EFTUD2: variants seen among roughly 807,000 people sequenced by gnomAD.
EFTUD2 encodes the protein elongation factor Tu GTP binding domain containing 2, also known as 116 kDa U5 small nuclear ribonucleoprotein component.
In EFTUD2, 9 loss-of-function variants were observed where a neutral mutation model predicts 114.3. That is an observed-to-expected ratio of 0.08 (90% CI 0.05 to 0.14). The LOEUF is 0.14. Among genes scored for constraint, EFTUD2 ranks in the 10% least tolerant of loss-of-function variants. The probability of loss-of-function intolerance (pLI) is 1.00; values close to 1 mark genes in which losing one functional copy is unlikely to be tolerated. For missense variants in EFTUD2, 765 were observed against 1,241.2 expected (o/e 0.62, Z 5.76); for synonymous variants, 449 against 462.3 (o/e 0.97, Z 0.37).
At chr17:44,873,381 G>C (rs952873141) in intron 10 of EFTUD2, among the ~76,000 whole-genome samples, 12 of 152,054 alleles carry the variant, frequency 7.9e-5, no homozygotes, top group African/African-American at 2.9e-4. Context: ...TTTGAGACAG[G>C]GTCTTGCCTT....
chr17:44,859,840 G>C, intron 18 of EFTUD2, 65 bp downstream of exon 18: 1 of 1,608,738 alleles, frequency 6.2e-7, no homozygotes, highest in Non-Finnish European at 8.5e-7. Flanking sequence ...GGGAAGCGGT[G>C]TGCAGCTCTG....
intron 4 of EFTUD2, 63 bp from the exon 5 acceptor site, chr17:44,883,787 T>A: frequency 6.5e-7 from 1 of 1,539,878 alleles, no homozygotes. Flanking sequence ...AGGAGTGGTG[T>A]AAAGGTGTTT....
At position 44,851,794 on chromosome 17, in the gene EFTUD2, G is replaced by C. The variant is rs2050457057; in HGVS notation, c.2739C>G (p.Asp913Glu). ...HWQIVPGDPLDKSIVIRPLEP... is the reference protein window; with the variant it reads ...HWQIVPGDPLEKSIVIRPLEP... The stretch of plus-strand genomic sequence containing the variant: ...CCAAGGGGCGGATGACAATGCTCTT[G>C]TCCAGGGGATCACCAGGCACAATCT... The change falls in exon 27 of 28, where the codon GAC (aspartate) becomes GAG (glutamate). Residue 913 changes from aspartate to glutamate, a missense_variant. Physicochemically the swap from Asp to Glu is conservative, Grantham distance 45. This residue lies in a region of EFTUD2 where 166 missense variants were observed against 401.5 expected (regional missense o/e 0.41). Coordinates refer to ENST00000426333, the MANE Select transcript of EFTUD2 (RefSeq NM_004247.4). The C allele has an allele frequency of 6.2e-7, 1 of 1,609,832 alleles. No homozygotes were observed. Among genetic ancestry groups the C allele is most frequent in the South Asian group, 1.1e-5 (1 of 89,932 alleles).
At chr17:44,867,531 C>G (rs1484801396) in intron 13 of EFTUD2, among the ~76,000 whole-genome samples, 1 of 152,022 alleles carries the variant, frequency 6.6e-6, no homozygotes, top group Non-Finnish European at 1.5e-5. Context: ...AGCTCCTGAG[C>G]TCAGGCAATC....
At chr17:44,894,578 AT>A (rs2051343148) in intron 1 of EFTUD2, 53 bp from the exon 2 acceptor site, 13 of 1,363,326 alleles carry the variant, frequency 9.5e-6, no homozygotes, top group Middle Eastern at 3.6e-4. Flanking sequence ...CAAGGCCTTC[AT>A]GTGGTGGCTC....
At chr17:44,890,576 C>T (rs980466638) in intron 2 of EFTUD2, among the ~76,000 whole-genome samples, 2 of 151,854 alleles carry the variant, frequency 1.3e-5, no homozygotes, top group Non-Finnish European at 2.9e-5. Context: ...CCTGTAATCC[C>T]AGCTACTCGG....
chr17:44,851,811 G>A lies in EFTUD2; in HGVS notation c.2722C>T (p.Pro908Ser). The A allele has an allele frequency of 6.2e-7, 1 of 1,608,654 alleles. No individual in the cohort carries two copies. Among genetic ancestry groups the A allele is most frequent in the South Asian group, 1.1e-5 (1 of 89,702 alleles). The change falls in exon 27 of 28, where the codon CCT (proline) becomes TCT (serine). Residue 908 changes from proline (P) to serine (S), a missense_variant. Pro to Ser is a moderately conservative substitution (Grantham distance 74). Around this residue, in one of 6 missense-constraint regions of EFTUD2, gnomAD observed 166 missense variants for 401.5 expected, o/e 0.41. Coordinates refer to ENST00000426333, the MANE Select transcript of EFTUD2 (RefSeq NM_004247.4). ...LSVFHHWQIVPGDPLDKSIVI... is the reference protein window; with the variant it reads ...LSVFHHWQIVSGDPLDKSIVI... Reference sequence around the variant, plus strand: ...ATGCTCTTGTCCAGGGGATCACCAGGCACAATCTAAAAGGCAAAGGAATTT... The same window carrying A: ...ATGCTCTTGTCCAGGGGATCACCAGACACAATCTAAAAGGCAAAGGAATTT...
intron 20 of EFTUD2, 134 bp from the exon 21 acceptor site, chr17:44,855,138 C>T (rs1415237660): frequency 1.3e-6 from 1 of 768,064 alleles, no homozygotes; most frequent in Non-Finnish European, 2.3e-6. Flanking sequence ...CGTGGTGGTT[C>T]AGACCTGTAA....
chr17:44,856,516 C>T (rs924499726), intron 20 of EFTUD2, among the ~76,000 whole-genome samples: 4 of 146,140 alleles, frequency 2.7e-5, no homozygotes, highest in African/African-American at 5.1e-5. Context: ...GGCGACAGAG[C>T]GAGACTGTCT....
At chr17:44,881,641 G>A (rs767742522) in intron 7 of EFTUD2, 46 bp downstream of exon 7, 2 of 1,605,276 alleles carry the variant, frequency 1.2e-6, no homozygotes, top group East Asian at 2.2e-5. Flanking sequence ...ACTATTACTG[G>A]TGGGTCTGGT....
intron 2 of EFTUD2, 35 bp from the exon 3 acceptor site, chr17:44,886,785 C>T (rs376164212): frequency 8.0e-5 from 127 of 1,589,444 alleles, no homozygotes; most frequent in Non-Finnish European, 1.1e-4. Context: ...ATCGAAGAGG[C>T]ACACGCTTTT....
In EFTUD2 at chr17:44,850,472, GA is replaced by G. The variant is rs2050427658; in HGVS notation, c.*801del. Reference sequence around the variant, plus strand: ...ACATTCCTAATAAAGCAGTTTTGAGGAAAATCAACAGACTCTTTTTCACTGG... The same window carrying G: ...ACATTCCTAATAAAGCAGTTTTGAGGAAATCAACAGACTCTTTTTCACTGG... On this transcript the variant is annotated 3_prime_UTR_variant, in exon 28 of 28. Transcript: ENST00000426333. The G allele has an allele frequency of 1.8e-6, 2 of 1,103,338 alleles. No individual in the cohort carries two copies. The highest frequency in any genetic ancestry group is 2.7e-6 in the Non-Finnish European group (2 of 732,852). 68.3% of individuals were successfully genotyped at this position (1,103,338 alleles called of 1,614,324 possible).
At chr17:44,878,997 G>A (rs2051021788) in intron 9 of EFTUD2, among the ~76,000 whole-genome samples, 1 of 152,046 alleles carries the variant, frequency 6.6e-6, no homozygotes, top group African/African-American at 2.4e-5. Context: ...ATTTACATTT[G>A]TCATTTTATC....
At chr17:44,882,083 C>T (rs948414623) in intron 6 of EFTUD2, among the ~76,000 whole-genome samples, 2 of 152,036 alleles carry the variant, frequency 1.3e-5, no homozygotes, top group African/African-American at 2.4e-5. Context: ...TGCAGACGTG[C>T]GCCACCATGC....
At chr17:44,859,207 C>T (rs1224441393) in intron 18 of EFTUD2, 26 bp from the exon 19 acceptor site, 3 of 1,534,580 alleles carry the variant, frequency 2.0e-6, no homozygotes, top group Non-Finnish European at 9.0e-7. Flanking sequence ...CAGTCACAGC[C>T]TGGATTCTCT....
At position 44,857,057 on chromosome 17, in the gene EFTUD2, A is replaced by G. The variant is rs1651428547; in HGVS notation, c.2045+18T>C. On this transcript the variant is annotated intron_variant, in intron 20 of 27. Transcript: ENST00000426333. ...TCCAGGAGGCTGCAGTCCCAGGGAC[A>G]CTGTGCTCCCAGCTTACTTCTTATT... is the stretch of plus-strand genomic sequence containing the variant. 1 of 1,609,566 alleles carries G rather than the reference A, an allele frequency of 6.2e-7. No homozygotes were observed. The highest frequency in any genetic ancestry group is 1.3e-5 in the African/African-American group (1 of 74,862).
intron 11 of EFTUD2, among the ~76,000 whole-genome samples, chr17:44,872,114 T>C (rs1193916497): frequency 6.6e-6 from 1 of 152,194 alleles, no homozygotes; most frequent in Non-Finnish European, 1.5e-5. Flanking sequence ...GTGAGGGAGA[T>C]GCCACCTGTG....
intron 26 of EFTUD2, 108 bp downstream of exon 26, chr17:44,852,301 C>A (rs2050470001): frequency 1.4e-6 from 2 of 1,409,976 alleles, no homozygotes; most frequent in South Asian, 2.8e-5. Flanking sequence ...GGACTCTTCT[C>A]CAGGATGCTG....
chr17:44,853,883 T>G (rs2050500219), intron 23 of EFTUD2: 11 of 1,386,526 alleles, frequency 7.9e-6, no homozygotes, highest in Non-Finnish European at 1.0e-5. Context: ...AGAAGTTTAT[T>G]TCCTTCTTCT....
Sources: allele counts gnomAD v4.1 joint callset (sites outside exome capture counted in the v4.1 genomes callset), GRCh38; gene constraint gnomAD v4.1.1; regional missense constraint gnomAD v4.1.1; transcripts MANE v1.5; gene names NCBI Gene and HGNC (gene_info 2026-07-23, HGNC 2026-07-21).